PKIB: variants seen among roughly 807,000 people sequenced by gnomAD.
PKIB encodes the protein PKI-beta.
Under a neutral mutation model 4.5 loss-of-function variants are expected in PKIB, and 2 were observed. That is an observed-to-expected ratio of 0.44 (90% confidence interval 0.18 to 1.39). PKIB has a LOEUF of 1.39. Among genes scored for constraint, PKIB ranks in the 40% most tolerant of loss-of-function variants. PKIB has a pLI of 0.27. For missense variants in PKIB, 94 were observed against 92.6 expected (o/e 1.02, Z -0.06); for synonymous variants, 38 against 36.0 (o/e 1.06, Z -0.20).
At chr6:122,609,425 A>G (rs544464576), upstream of PKIB, among the ~76,000 whole-genome samples, 1 of 152,246 alleles carries the variant, frequency 6.6e-6, no homozygotes, top group Non-Finnish European at 1.5e-5. Flanking sequence ...ACTTGATTGT[A>G]CTACCATTAG....
chr6:122,694,549 A>AT (rs955246139), intron 3 of PKIB, among the ~76,000 whole-genome samples: 13 of 151,680 alleles, frequency 8.6e-5, no homozygotes, highest in African/African-American at 2.4e-4. Context: ...AGTTTTCTCA[A>AT]TTTTTTTTTC....
At chr6:122,590,505 G>A (rs1773986002) in intron 3 of PKIB, among the ~76,000 whole-genome samples, 1 of 152,150 alleles carries the variant, frequency 6.6e-6, no homozygotes, top group African/African-American at 2.4e-5. Context: ...AATTAGCTCT[G>A]CAAGTGCTCA....
intron 2 of PKIB, among the ~76,000 whole-genome samples, chr6:122,540,512 G>T (rs1462738659): frequency 6.6e-6 from 1 of 151,966 alleles, no homozygotes; most frequent in African/African-American, 2.4e-5. Flanking sequence ...TCTTAGTCCT[G>T]AGTTCTAGTT....
chr6:122,585,256 C>T lies in PKIB; in HGVS notation c.-247-665C>T, dbSNP rs772229932. Among the ~76,000 whole-genome samples, 10 of 152,200 alleles carry T rather than the reference C, an allele frequency of 6.6e-5. No homozygotes were observed. In the East Asian group the frequency reaches 1.7e-3, roughly 26 times the overall value. ...AGCCAAGAACCCTCCTGGGCTAAGC[C>T]CCAATTTTAAGACTTGTCTGCCCTG... On this transcript the variant is annotated intron_variant, in intron 2 of 6. Coordinates refer to the PKIB transcript ENST00000392491.
intron 4 of PKIB, among the ~76,000 whole-genome samples, chr6:122,719,396 T>C (rs1779631104): frequency 6.6e-6 from 1 of 152,184 alleles, no homozygotes; most frequent in Admixed American, 6.6e-5. Flanking sequence ...AAGATGAATT[T>C]ACAAATAACA....
At chr6:122,622,221 TTAGCACAAACTCGGTAAA>T (rs546986621) in intron 1 of PKIB, among the ~76,000 whole-genome samples, 2 of 152,222 alleles carry the variant, frequency 1.3e-5, no homozygotes, top group Non-Finnish European at 2.9e-5. Context: ...TTTTTTTGTG[TTAGCACAAACTCGGTAAA>T]TAGCAAAATT....
At chr6:122,645,673 T>A (rs2114861822) in intron 2 of PKIB, among the ~76,000 whole-genome samples, 1 of 152,270 alleles carries the variant, frequency 6.6e-6, no homozygotes, top group Non-Finnish European at 1.5e-5. Flanking sequence ...CAGAGGCCAA[T>A]CTTGGAGGGA....
rs530611324 is a variant in PKIB, at chr6:122,665,520, G to A, written c.-75-9558G>A. On this transcript the variant is annotated intron_variant, in intron 2 of 4. Coordinates refer to ENST00000368452, the MANE Select transcript of PKIB (RefSeq NM_181795.3). ...TCTCTGCTGTGTGTGCTTTTTCTAG[G>A]ATATAGAAGAATGAAATAGCAATGA... Among the ~76,000 whole-genome samples, 162 of 152,182 alleles carry A rather than the reference G, an allele frequency of 1.1e-3. 1 individual carries two copies. In the South Asian group the frequency reaches 0.033, roughly 31 times the overall value.
chr6:122,582,417 G>A (rs560761966), intron 2 of PKIB, among the ~76,000 whole-genome samples: 13 of 152,112 alleles, frequency 8.5e-5, no homozygotes, highest in African/African-American at 3.1e-4. Flanking sequence ...AGAATGATTA[G>A]GAATGACTCC....
intron 3 of PKIB, among the ~76,000 whole-genome samples, chr6:122,594,306 C>T (rs1457231036): frequency 6.6e-6 from 1 of 151,636 alleles, no homozygotes; most frequent in African/African-American, 2.4e-5. Flanking sequence ...CTCCCGGGTT[C>T]AAGCGATTCT....
chr6:122,620,692 T>C (rs936293190), intron 1 of PKIB, among the ~76,000 whole-genome samples: 2 of 152,236 alleles, frequency 1.3e-5, no homozygotes, highest in African/African-American at 4.8e-5. Flanking sequence ...TCATGGATTT[T>C]TGTGCCTTGT....
chr6:122,701,805 C>A lies in PKIB; in HGVS notation c.-8-15982C>A, dbSNP rs554863076. Among the ~76,000 whole-genome samples, 3 of 152,200 alleles carry A rather than the reference C, an allele frequency of 2.0e-5. No individual in the cohort carries two copies. In the South Asian group the frequency reaches 6.2e-4, roughly 32 times the overall value. ...TGGAGATTCAGAGATGCCTAGACAA[C>A]CAACACCCAACACTGGACAGATGAG... On this transcript the variant is annotated intron_variant, in intron 3 of 4. Coordinates refer to ENST00000368452, the MANE Select transcript of PKIB (RefSeq NM_181795.3).
chr6:122,559,525 G>A (rs1001223787), intron 2 of PKIB, among the ~76,000 whole-genome samples: 4 of 151,692 alleles, frequency 2.6e-5, no homozygotes, highest in African/African-American at 9.7e-5. Context: ...GGTTGTGTGG[G>A]CTCTTTTTTG....
At chr6:122,570,161 G>A (rs1217753060) in intron 2 of PKIB, among the ~76,000 whole-genome samples, 1 of 152,198 alleles carries the variant, frequency 6.6e-6, no homozygotes, top group African/African-American at 2.4e-5. Context: ...CATTCTTACA[G>A]ATGAAAAGAG....
intron 1 of PKIB, among the ~76,000 whole-genome samples, chr6:122,626,659 T>C (rs1775457775): frequency 1.3e-5 from 2 of 152,186 alleles, no homozygotes; most frequent in East Asian, 1.9e-4. Context: ...TTTTGTGTGG[T>C]CTATTTGTGT....
intron 2 of PKIB, among the ~76,000 whole-genome samples, chr6:122,539,261 G>C (rs1216468799): frequency 6.6e-6 from 1 of 151,988 alleles, no homozygotes; most frequent in Non-Finnish European, 1.5e-5. Context: ...TCTTGTGCCA[G>C]TTTTCAAAGG....
chr6:122,629,015 C>T (rs1483838083), intron 1 of PKIB, among the ~76,000 whole-genome samples: 1 of 152,162 alleles, frequency 6.6e-6, no homozygotes, highest in African/African-American at 2.4e-5. Flanking sequence ...GTTCTTTATG[C>T]CCTGCAGTAA....
intron 2 of PKIB, among the ~76,000 whole-genome samples, chr6:122,495,362 C>T (rs1169742320): frequency 6.6e-6 from 1 of 152,176 alleles, no homozygotes; most frequent in African/African-American, 2.4e-5. Flanking sequence ...AACATTTCAC[C>T]TGTGGTCCAG....
At chr6:122,690,932 A>ATATATATATATAT (rs1278838118) in intron 3 of PKIB, among the ~76,000 whole-genome samples, 4 of 138,784 alleles carry the variant, frequency 2.9e-5, no homozygotes, top group African/African-American at 1.1e-4. Context: ...ATATATATAT[A>ATATATATATATAT]TTTTTTTTTT....
Sources: allele counts gnomAD v4.1 joint callset (sites outside exome capture counted in the v4.1 genomes callset), GRCh38; gene constraint gnomAD v4.1.1; transcripts MANE v1.5; gene names NCBI Gene and HGNC (gene_info 2026-07-23, HGNC 2026-07-21).